RXRA: variants seen among roughly 807,000 people sequenced by gnomAD.
The protein encoded by RXRA is retinoic acid receptor RXR-alpha.
In RXRA, 5 loss-of-function variants were observed where a neutral mutation model predicts 44.5. The observed-to-expected ratio is 0.11, with a 90% CI of 0.06 to 0.24. RXRA has a LOEUF of 0.24. Among genes scored for constraint, RXRA ranks in the 10% least tolerant of loss-of-function variants. RXRA has a pLI of 1.00. For synonymous variants in RXRA, 291 were observed against 271.4 expected, an observed-to-expected ratio of 1.07 and a Z score of -0.71; for missense variants, 412 against 646.5, an observed-to-expected ratio of 0.64 and a Z score of 3.93.
At chr9:134,327,280 C>G (rs72619342) in intron 1 of RXRA, among the ~76,000 whole-genome samples, 19,441 of 152,156 alleles carry the variant, frequency 0.13, 1,325 homozygotes, top group South Asian at 0.23. Flanking sequence ...CACTCTGGCA[C>G]CCCCGGGTGT....
At chr9:134,339,612 T>G (rs1405100466) in intron 1 of RXRA, among the ~76,000 whole-genome samples, 1 of 150,018 alleles carries the variant, frequency 6.7e-6, no homozygotes, top group Non-Finnish European at 1.5e-5. Flanking sequence ...TGTGTTTCTG[T>G]GTGAGTCTCT....
intron 6 of RXRA, 129 bp from the exon 7 acceptor site, chr9:134,428,979 T>G: frequency 3.6e-6 from 4 of 1,107,248 alleles, no homozygotes; most frequent in Non-Finnish European, 5.2e-6. Context: ...CTTCATGGGA[T>G]TGGGGTTCCA....
Position 134,343,949 on chromosome 9 carries a change from T to C in RXRA, c.28+17290T>C, listed in dbSNP as rs1830118375. ...CCACAGTGGGGTGGGCATCTCCCCA[T>C]AGGCCCTCCCCACAGGATGCAGCCC... On this transcript the variant is annotated intron_variant, in intron 1 of 9. Transcript: ENST00000481739. This position sits in a 1 kb window ranked among gnomAD's most constrained non-coding sequence, Gnocchi z 4.1. Among the ~76,000 whole-genome samples the C allele has an allele frequency of 6.6e-6, 1 of 152,134 alleles. No homozygotes were observed. The highest frequency in any genetic ancestry group is 6.5e-5 in the Admixed American group (1 of 15,282).
At position 134,433,158 on chromosome 9, in the gene RXRA, T is replaced by C. The variant is rs1258847025; in HGVS notation, c.1136-944T>C. Among the ~76,000 whole-genome samples the C allele has an allele frequency of 6.6e-6, 1 of 152,062 alleles. No individual in the cohort carries two copies. On this transcript the variant is annotated intron_variant, in intron 8 of 9. Coordinates refer to ENST00000481739, the MANE Select transcript of RXRA (RefSeq NM_002957.6). This position sits in a 1 kb window ranked among gnomAD's most constrained non-coding sequence, Gnocchi z 4.2. ...ATGGGCATCTTCTTGTGGGGAGAGC[T>C]TGTTTCCAGGGTCATTTTATCACCC...
At chr9:134,363,683 T>C (rs1246317498) in intron 1 of RXRA, among the ~76,000 whole-genome samples, 1 of 152,202 alleles carries the variant, frequency 6.6e-6, no homozygotes, top group Non-Finnish European at 1.5e-5. Context: ...ACGGTTTGGC[T>C]GCTGTCTGCC....
chr9:134,338,795 G>A (rs941353533), intron 1 of RXRA, among the ~76,000 whole-genome samples: 2 of 152,220 alleles, frequency 1.3e-5, no homozygotes, highest in Non-Finnish European at 2.9e-5. Flanking sequence ...GGGTGAGACT[G>A]GGGGAGCGAG....
intron 1 of RXRA, among the ~76,000 whole-genome samples, chr9:134,352,607 G>A (rs969666680): frequency 6.6e-5 from 10 of 152,204 alleles, no homozygotes; most frequent in Non-Finnish European, 1.2e-4. Flanking sequence ...TGGTGGGACT[G>A]AAGATGCACC....
In RXRA at chr9:134,342,955, TG is replaced by T. The variant is rs1830104359; in HGVS notation, c.28+16297del. On this transcript the variant is annotated intron_variant, in intron 1 of 9. Coordinates refer to ENST00000481739, the MANE Select transcript of RXRA (RefSeq NM_002957.6). The surrounding 1 kb of genome is among the most constrained non-coding windows in gnomAD (Gnocchi z 4.4). Reference sequence around the variant, plus strand: ...TGCTGGGGATTGTCTGGTAATCCTTTGATTAGAGGCCAGGAAACCCAATCCC... The same window carrying T: ...TGCTGGGGATTGTCTGGTAATCCTTTATTAGAGGCCAGGAAACCCAATCCC... 6.6e-6 allele frequency among the ~76,000 whole-genome samples: 1 copy of T among 152,088 alleles called. No homozygotes were observed. Among genetic ancestry groups the T allele is most frequent in the African/African-American group, 2.4e-5 (1 of 41,422 alleles).
intron 4 of RXRA, among the ~76,000 whole-genome samples, chr9:134,410,178 C>T (rs1831125485): frequency 6.6e-6 from 1 of 152,258 alleles, no homozygotes; most frequent in South Asian, 2.1e-4. Flanking sequence ...CCTCCTTGGG[C>T]TGCGAGGCTG....
At chr9:134,380,036 C>G in intron 1 of RXRA, 6 of 985,414 alleles carry the variant, frequency 6.1e-6, no homozygotes, top group Non-Finnish European at 7.2e-6. Flanking sequence ...TTTTCTGTGC[C>G]CCCTGCCTGA....
chr9:134,437,567 G>C lies in RXRA; in HGVS notation c.*953G>C, dbSNP rs34449651. On this transcript the variant is annotated 3_prime_UTR_variant, in exon 10 of 10. Transcript: ENST00000481739. ...GGGCTCTGCGGACCTGCAGCCATCT[G>C]TGAGGCCCGCGGGGATGGGAGGGGA... 1,654 of 152,424 alleles carry C rather than the reference G, an allele frequency of 0.011. 27 individuals are homozygous for C. The highest frequency in any genetic ancestry group is 0.038 in the African/African-American group (1,563 of 41,552). The allele number at this position is 152,424 out of a possible 1,614,324, so 9.4% of individuals were successfully genotyped here. A position where few individuals can be genotyped will look rare whatever the true frequency, so the allele number is the denominator to read the frequency against.
intron 5 of RXRA, among the ~76,000 whole-genome samples, chr9:134,421,252 GGAGGCTCT>G: frequency 6.6e-6 from 1 of 152,312 alleles, no homozygotes; most frequent in East Asian, 1.9e-4. Flanking sequence ...GCTGGCTCCT[GGAGGCTCT>G]GCTGGGGAGT....
chr9:134,368,942 ATGTG>A (rs756191301), intron 1 of RXRA, among the ~76,000 whole-genome samples: 2 of 2,358 alleles, frequency 8.5e-4, no homozygotes, highest in African/African-American at 3.7e-3. Flanking sequence ...GGGGTTATGT[ATGTG>A]TGTGAGTGCG....
intron 1 of RXRA, among the ~76,000 whole-genome samples, chr9:134,370,674 G>C (rs1830480326): frequency 6.6e-6 from 1 of 152,242 alleles, no homozygotes; most frequent in Non-Finnish European, 1.5e-5. Flanking sequence ...ATCCCCGTGT[G>C]CTGGCTGGGC....
rs1009044187 is a variant in RXRA, at chr9:134,343,215, G to T, written c.28+16556G>T. ...CAGCGTGTCTCTCTCTCTGAGTGTC[G>T]ACTTTCTCATCTGTGACGTGGGGTG... On this transcript the variant is annotated intron_variant, in intron 1 of 9. Transcript: ENST00000481739. This position sits in a 1 kb window ranked among gnomAD's most constrained non-coding sequence, Gnocchi z 4.1. 6.6e-6 allele frequency among the ~76,000 whole-genome samples: 1 copy of T among 152,140 alleles called. No individual in the cohort carries two copies. The highest frequency in any genetic ancestry group is 1.5e-5 in the Non-Finnish European group (1 of 68,012).
chr9:134,402,246 C>T (rs1196668965), intron 2 of RXRA: 1 of 276,178 alleles, frequency 3.6e-6, no homozygotes, highest in Non-Finnish European at 6.8e-6. Flanking sequence ...AAGCTTGTGC[C>T]CACACAGCCT....
chr9:134,331,721 C>A (rs1473934163), intron 1 of RXRA, among the ~76,000 whole-genome samples: 3 of 152,246 alleles, frequency 2.0e-5, no homozygotes, highest in Admixed American at 6.5e-5. Context: ...TGGATGGGGA[C>A]ACTGAACCCT....
intron 1 of RXRA, among the ~76,000 whole-genome samples, chr9:134,398,637 G>C (rs1006994220): frequency 3.3e-5 from 5 of 152,164 alleles, no homozygotes; most frequent in Non-Finnish European, 7.4e-5. Flanking sequence ...AAACCCTCCA[G>C]TCCCCTCCTC....
chr9:134,394,055 A>G (rs927644576), intron 1 of RXRA, among the ~76,000 whole-genome samples: 7 of 104,532 alleles, frequency 6.7e-5, no homozygotes, highest in African/African-American at 2.5e-4. Flanking sequence ...TCAGCCTGCC[A>G]TCTGCACAGT....
Sources: gnomAD v4.1 joint callset for allele counts (sites outside exome capture counted in the v4.1 genomes callset) on GRCh38, gnomAD v4.1.1 for gene constraint, Gnocchi (gnomAD v3.1) non-coding constraint, MANE v1.5 for transcripts, NCBI Gene and HGNC (gene_info 2026-07-23, HGNC 2026-07-21) for gene names.